UBOX5: variants seen among roughly 807,000 people sequenced by gnomAD.
UBOX5 encodes U-box domain containing 5.
Under a neutral mutation model 39.0 loss-of-function variants are expected in UBOX5, and 28 were observed. That is an observed-to-expected ratio of 0.72 (90% CI 0.53 to 0.98). The LOEUF is 0.98. Among genes scored for constraint, UBOX5 ranks in the 50% least tolerant of loss-of-function variants. The pLI is 0.00. For synonymous variants in UBOX5, 283 were observed against 275.5 expected (o/e 1.03, Z -0.27); for missense variants, 585 against 674.4 (o/e 0.87, Z 1.47).
At chr20:3,148,180 G>A (rs751519344) in intron 1 of UBOX5, 2 of 1,613,744 alleles carry the variant, frequency 1.2e-6, no homozygotes, top group Admixed American at 3.3e-5. Context: ...TTTGCATTAG[G>A]TCCTGGGATA....
chr20:3,130,113 G>A (rs139693837), intron 1 of UBOX5, among the ~76,000 whole-genome samples: 1,726 of 152,058 alleles, frequency 0.011, 34 homozygotes, highest in African/African-American at 0.039. Context: ...TGTGTCCGTA[G>A]TCCCAGCTAC....
intron 1 of UBOX5, among the ~76,000 whole-genome samples, chr20:3,139,722 T>C (rs926287851): frequency 1.3e-5 from 2 of 151,782 alleles, no homozygotes; most frequent in Non-Finnish European, 2.9e-5. Flanking sequence ...CCTATTTTTA[T>C]TTTTTGAGAC....
intron 1 of UBOX5, among the ~76,000 whole-genome samples, chr20:3,157,073 C>G (rs562494258): frequency 5.9e-5 from 9 of 151,296 alleles, no homozygotes; most frequent in African/African-American, 2.2e-4. Context: ...CCAGTCTGGG[C>G]TACATGGCGA....
intron 4 of UBOX5, among the ~76,000 whole-genome samples, chr20:3,114,603 A>G (rs2066278778): frequency 6.6e-6 from 1 of 152,116 alleles, no homozygotes; most frequent in East Asian, 1.9e-4. Flanking sequence ...CTCTCTTCAC[A>G]TTTACATAAA....
At chr20:3,133,371 T>C (rs2066444597) in intron 1 of UBOX5, among the ~76,000 whole-genome samples, 1 of 152,214 alleles carries the variant, frequency 6.6e-6, no homozygotes. Context: ...TTGAACTCAC[T>C]GCAAACACTG....
At chr20:3,118,408 G>A (rs554854343) in intron 3 of UBOX5, among the ~76,000 whole-genome samples, 16 of 152,026 alleles carry the variant, frequency 1.1e-4, no homozygotes, top group African/African-American at 3.6e-4. Context: ...GGAGGCAGAG[G>A]TTGCAGTGAG....
Position 3,108,192 on chromosome 20 carries a change from C to G in UBOX5, c.*1914G>C, listed in dbSNP as rs1165840133. Reference sequence around the variant, plus strand: ...GTGAGATCTCGGCTCACTGCAACCTCTGCCTCCCCGGTTCAAGCGATTCTC... The same window carrying G: ...GTGAGATCTCGGCTCACTGCAACCTGTGCCTCCCCGGTTCAAGCGATTCTC... On this transcript the variant is annotated 3_prime_UTR_variant, in exon 5 of 5. Transcript: ENST00000217173. 6.6e-6 allele frequency: 1 copy of G among 152,350 alleles called. No individual in the cohort carries two copies. Among genetic ancestry groups the G allele is most frequent in the Non-Finnish European group, 1.5e-5 (1 of 68,194 alleles). The allele number at this position is 152,350 out of a possible 1,614,324, so 9.4% of individuals were successfully genotyped here. A position where few individuals can be genotyped will look rare whatever the true frequency, so the allele number is the denominator to read the frequency against.
chr20:3,131,178 G>A (rs1003362309), intron 1 of UBOX5, among the ~76,000 whole-genome samples: 1 of 150,888 alleles, frequency 6.6e-6, no homozygotes, highest in Middle Eastern at 3.2e-3. Flanking sequence ...GCAGTGAGCC[G>A]AGATCATGCC....
chr20:3,150,701 T>C (rs181630425), intron 1 of UBOX5: 5 of 152,270 alleles, frequency 3.3e-5, no homozygotes, highest in African/African-American at 9.6e-5. Context: ...CCAGAGCCCA[T>C]AGCACATCAT....
At chr20:3,115,206 G>A in intron 4 of UBOX5, 99 bp downstream of exon 4, 1 of 1,422,396 alleles carries the variant, frequency 7.0e-7, no homozygotes, top group Non-Finnish European at 9.3e-7. Flanking sequence ...GGCTGGCCAG[G>A]CAGGTCCACA....
chr20:3,110,016 C>A lies in UBOX5; in HGVS notation c.*90G>T. 1.3e-6 allele frequency: 2 copies of A among 1,498,566 alleles called. No individual in the cohort carries two copies. The allele number at this position is 1,498,566 out of a possible 1,614,324, so 92.8% of individuals were successfully genotyped here. A position where few individuals can be genotyped will look rare whatever the true frequency, so the allele number is the denominator to read the frequency against. On this transcript the variant is annotated 3_prime_UTR_variant, in exon 5 of 5. Transcript: ENST00000217173. The stretch of plus-strand genomic sequence containing the variant: ...GGAGCAGGCAGCTCTGTGCCTGGGG[C>A]CTGGCCAGACCTCAGGGGTGCTGTG...
At chr20:3,156,680 T>G (rs2066689737) in intron 1 of UBOX5, 1 of 152,278 alleles carries the variant, frequency 6.6e-6, no homozygotes, top group Non-Finnish European at 1.5e-5. Context: ...CTGAAGAATC[T>G]TACCTTTCTC....
chr20:3,111,335 C>T (rs1286791063), intron 4 of UBOX5, among the ~76,000 whole-genome samples: 7 of 152,194 alleles, frequency 4.6e-5, no homozygotes, highest in African/African-American at 1.7e-4. Flanking sequence ...ATTTCATCAC[C>T]ATAATCCAGG....
At chr20:3,153,571 G>C (rs2066653675) in intron 1 of UBOX5, among the ~76,000 whole-genome samples, 1 of 152,214 alleles carries the variant, frequency 6.6e-6, no homozygotes, top group South Asian at 2.1e-4. Flanking sequence ...GTACTAGAGA[G>C]ACAAGAATGG....
chr20:3,134,899 G>A (rs2066457947), intron 1 of UBOX5, among the ~76,000 whole-genome samples: 2 of 151,896 alleles, frequency 1.3e-5, no homozygotes, highest in African/African-American at 4.8e-5. Flanking sequence ...ATAATATAAA[G>A]GTAACAGAGC....
intron 1 of UBOX5, among the ~76,000 whole-genome samples, chr20:3,131,720 C>A (rs7265592): frequency 0.11 from 16,277 of 152,148 alleles, 1,694 homozygotes; most frequent in East Asian, 0.41. Context: ...TAGAATTATA[C>A]AACACAGGCT....
At chr20:3,127,133 G>C (rs2066396716) in intron 1 of UBOX5, among the ~76,000 whole-genome samples, 1 of 151,762 alleles carries the variant, frequency 6.6e-6, no homozygotes, top group Non-Finnish European at 1.5e-5. Context: ...GGAGAAGGAG[G>C]GAAGCCACTG....
At chr20:3,135,450 T>C (rs753654178) in intron 1 of UBOX5, among the ~76,000 whole-genome samples, 3 of 152,082 alleles carry the variant, frequency 2.0e-5, no homozygotes, top group Non-Finnish European at 2.9e-5. Flanking sequence ...CACTTAGCTA[T>C]GGAGGTGGAG....
intron 1 of UBOX5, among the ~76,000 whole-genome samples, chr20:3,158,664 C>T (rs973477830): frequency 7.2e-5 from 11 of 152,000 alleles, no homozygotes; most frequent in African/African-American, 1.4e-4. Context: ...TTAGTAGAGA[C>T]GGGGTTTCAC....
Sources: allele counts gnomAD v4.1 joint callset (sites outside exome capture counted in the v4.1 genomes callset), GRCh38; gene constraint gnomAD v4.1.1; transcripts MANE v1.5; gene names NCBI Gene and HGNC (gene_info 2026-07-23, HGNC 2026-07-21).